Variants in ZNF790 observed in about 807,000 individuals in gnomAD.
ZNF790 encodes zinc finger protein 790.
In ZNF790, 8 loss-of-function variants were observed where a neutral mutation model predicts 12.1. That is an observed-to-expected ratio of 0.66 (90% CI 0.39 to 1.19). The LOEUF is 1.19. ZNF790 is among the 50% of genes most tolerant of loss of function. The pLI, the probability that ZNF790 is intolerant of heterozygous loss-of-function variation, is 0.01. For missense variants in ZNF790, 707 were observed against 752.2 expected (o/e 0.94, Z 0.70); for synonymous variants, 252 against 244.3 (o/e 1.03, Z -0.29).
At chr19:36,837,545 G>A (rs2072070858) in intron 1 of ZNF790, 1 of 152,066 alleles carries the variant, frequency 6.6e-6, no homozygotes, top group African/African-American at 2.4e-5. Flanking sequence ...CAAACACAGG[G>A]TATTTTCCCC....
chr19:36,819,205 T>G lies in ZNF790; in HGVS notation c.1139A>C (p.Asn380Thr), dbSNP rs750187163. 1 of 1,614,070 alleles carries G rather than the reference T, an allele frequency of 6.2e-7. No homozygotes were observed. The highest frequency in any genetic ancestry group is 8.5e-7 in the Non-Finnish European group (1 of 1,180,008). The change falls in exon 5 of 5, where the codon AAT (asparagine) becomes ACT (threonine). Residue 380 changes from asparagine (N) to threonine (T), a missense_variant. Coordinates refer to ENST00000356725, the MANE Select transcript of ZNF790 (RefSeq NM_206894.4). ...ATGAACATTCTGATGTTGAGCAAGA[T>G]TTGAACCACGAATAAAGGCTTTTCC... ...ECGKAFIRGS[N>T]LAQHQNVHVG...
At chr19:36,828,322 G>C (rs1476451469) in intron 1 of ZNF790, among the ~76,000 whole-genome samples, 1 of 152,094 alleles carries the variant, frequency 6.6e-6, no homozygotes, top group Non-Finnish European at 1.5e-5. Context: ...AATTAGCCGG[G>C]CATGGTGGCA....
chr19:36,823,282 C>G lies in ZNF790; in HGVS notation c.229+3G>C. The G allele has an allele frequency of 6.2e-7, 1 of 1,613,606 alleles. No homozygotes were observed. The highest frequency in any genetic ancestry group is 8.5e-7 in the Non-Finnish European group (1 of 1,179,624). On this transcript the variant is annotated splice_donor_region_variant and intron_variant, in intron 4 of 4. Coordinates refer to ENST00000356725, the MANE Select transcript of ZNF790 (RefSeq NM_206894.4). ...TCCTTGTGCGTGTTCAGCCCTCACT[C>G]ACCTGGGCAAGGTCCTCTTGTCTCA...
intron 2 of ZNF790, among the ~76,000 whole-genome samples, chr19:36,824,167 T>G (rs1045332093): frequency 6.7e-6 from 1 of 150,136 alleles, no homozygotes; most frequent in Non-Finnish European, 1.5e-5. Flanking sequence ...CGGCAAATTT[T>G]TTGTATTTTT....
At chr19:36,822,313 A>G (rs1202643602) in intron 4 of ZNF790, among the ~76,000 whole-genome samples, 1 of 152,168 alleles carries the variant, frequency 6.6e-6, no homozygotes, top group Non-Finnish European at 1.5e-5. Context: ...TTTTACGAAA[A>G]TTAAATTTTA....
chr19:36,824,148 T>C (rs984886803), intron 2 of ZNF790, among the ~76,000 whole-genome samples: 14 of 151,616 alleles, frequency 9.2e-5, no homozygotes, highest in East Asian at 3.9e-4. Flanking sequence ...AGGCGCCCGC[T>C]ACCACGCCCG....
chr19:36,831,372 G>C (rs1268781838), intron 1 of ZNF790, among the ~76,000 whole-genome samples: 1 of 152,184 alleles, frequency 6.6e-6, no homozygotes, highest in Non-Finnish European at 1.5e-5. Context: ...ATAGATGGGA[G>C]TTAGTGGAAT....
chr19:36,824,952 T>C (rs1393325716), intron 2 of ZNF790, among the ~76,000 whole-genome samples: 1 of 152,190 alleles, frequency 6.6e-6, no homozygotes, highest in Non-Finnish European at 1.5e-5. Context: ...GGAAAATGTG[T>C]AGAATCTCCA....
intron 1 of ZNF790, among the ~76,000 whole-genome samples, chr19:36,828,338 C>A (rs1055096324): frequency 6.6e-6 from 1 of 151,954 alleles, no homozygotes; most frequent in African/African-American, 2.4e-5. Flanking sequence ...TGGCACATGC[C>A]TGTAATCCCA....
Position 36,847,915 on chromosome 19 carries a change from C to A in ZNF790, c.-74+2087G>T, listed in dbSNP as rs370506560. 8.5e-5 allele frequency among the ~76,000 whole-genome samples: 13 copies of A among 152,292 alleles called. No homozygotes were observed. The East Asian group carries it at 1.5e-3, about 18-fold the overall frequency. ...CAGCATTCCTGCCCTGTGGAGGATG[C>A]AGCAGCAAGGTCCCATCTTGGAATC... On this transcript the variant is annotated intron_variant, in intron 1 of 4. Coordinates refer to the ZNF790 transcript ENST00000528994.
chr19:36,819,765 T>C lies in ZNF790; in HGVS notation c.579A>G (p.Thr193=). The C allele has an allele frequency of 6.2e-7, 1 of 1,613,188 alleles. No homozygotes were observed. The highest frequency in any genetic ancestry group is 8.5e-7 in the Non-Finnish European group (1 of 1,179,652). Residue 193 remains threonine (T), a synonymous_variant, in exon 5 of 5, where the codon ACA becomes ACG. Coordinates refer to ENST00000356725, the MANE Select transcript of ZNF790 (RefSeq NM_206894.4). ...CTTTATCTCCACAGAATTTCTCACT[T>C]GTGTGAATTAACTGATGTTGAGTAT... ...SDHTQHQLIH[T]SEKFCGDKEC...
chr19:36,818,407 C>A lies in ZNF790; in HGVS notation c.*26G>T. 1.3e-6 allele frequency: 2 copies of A among 1,492,550 alleles called. No individual in the cohort carries two copies. Among genetic ancestry groups the A allele is most frequent in the Non-Finnish European group, 8.9e-7 (1 of 1,118,664 alleles). 92.5% of individuals were successfully genotyped at this position (1,492,550 alleles called of 1,614,324 possible). On this transcript the variant is annotated 3_prime_UTR_variant, in exon 5 of 5. Transcript: ENST00000356725. ...ATCAATTAATGAGTCATGAATAAAG[C>A]CCTTCCTACACTTTTATATAATATT...
chr19:36,826,385 C>T (rs970324272), intron 1 of ZNF790, among the ~76,000 whole-genome samples: 49 of 151,952 alleles, frequency 3.2e-4, no homozygotes, highest in African/African-American at 1.2e-3. Flanking sequence ...GAGATGAAGA[C>T]CATCTTGGCC....
At chr19:36,820,208 T>C (rs2071638341) in intron 4 of ZNF790, 94 bp from the exon 5 acceptor site, 1 of 1,342,830 alleles carries the variant, frequency 7.4e-7, no homozygotes, top group African/African-American at 1.5e-5. Context: ...AAGTAAAGCA[T>C]ATGAGAAGTG....
rs190588853 is a variant in ZNF790 at position 36,819,866 on chromosome 19, G to A, written c.478C>T (p.His160Tyr). 45 of 1,614,192 alleles carry A rather than the reference G, an allele frequency of 2.8e-5. No homozygotes were observed. In the Admixed American group the frequency reaches 7.5e-4, roughly 27 times the overall value. ...TFNQHTVFNL[H>Y]QRLNTGDKLN... Reference sequence around the variant, plus strand: ...TTGTCTCCTGTATTAAGTCTCTGGTGTAGATTAAACACTGTATGCTGGTTA... The same window carrying A: ...TTGTCTCCTGTATTAAGTCTCTGGTATAGATTAAACACTGTATGCTGGTTA... The change falls in exon 5 of 5, where the codon CAC becomes TAC. Residue 160 changes from histidine to tyrosine, a missense_variant. Physicochemically the swap from His to Tyr is moderately conservative, Grantham distance 83. Transcript: ENST00000356725.
At position 36,838,129 on chromosome 19, in the gene ZNF790, T is replaced by C. The variant is rs1644632; in HGVS notation, c.-74+208A>G. On this transcript the variant is annotated intron_variant, in intron 1 of 4. Coordinates refer to ENST00000356725, the MANE Select transcript of ZNF790 (RefSeq NM_206894.4). This position sits in a 1 kb window ranked among gnomAD's most constrained non-coding sequence, Gnocchi z 4.4. ...GCGCACACACACACACACACACACA[T>C]ACACACACACACACACAAGCTCCCG... 0.062 allele frequency: 4,133 copies of C among 66,356 alleles called. 188 individuals carry two copies. The highest frequency in any genetic ancestry group is 0.23 in the African/African-American group (3,722 of 15,946). 4.1% of individuals were successfully genotyped at this position (66,356 alleles called of 1,614,324 possible). A position where few individuals can be genotyped will look rare whatever the true frequency, so the allele number is the denominator to read the frequency against.
At position 36,823,922 on chromosome 19, in the gene ZNF790, G is replaced by A. The variant is rs369079041; in HGVS notation, c.10-132C>T. 699 of 658,932 alleles carry A rather than the reference G, an allele frequency of 1.1e-3. 8 individuals carry two copies. The highest frequency in any genetic ancestry group is 3.6e-3 in the Middle Eastern group (8 of 2,238). 40.8% of individuals were successfully genotyped at this position (658,932 alleles called of 1,614,324 possible). Reference sequence around the variant, plus strand: ...GGCATATATTGGGCGAAAAACTGGAGTTGGCTGCCTGTGGTTTCAGGGGAA... The same window carrying A: ...GGCATATATTGGGCGAAAAACTGGAATTGGCTGCCTGTGGTTTCAGGGGAA... On this transcript the variant is annotated intron_variant, in intron 2 of 4. Transcript: ENST00000356725.
At chr19:36,829,252 T>C (rs897090294) in intron 1 of ZNF790, among the ~76,000 whole-genome samples, 3 of 152,134 alleles carry the variant, frequency 2.0e-5, no homozygotes, top group African/African-American at 7.2e-5. Context: ...GAAAAGAAAC[T>C]CTAACCCTTT....
Position 36,819,410 on chromosome 19 carries a change from A to T in ZNF790, c.934T>A (p.Cys312Ser), listed in dbSNP as rs772044322. The T allele has an allele frequency of 6.2e-7, 1 of 1,611,218 alleles. No individual in the cohort carries two copies. Among genetic ancestry groups the T allele is most frequent in the Non-Finnish European group, 8.5e-7 (1 of 1,178,204 alleles). The change falls in exon 5 of 5, where the codon TGT becomes AGT. Residue 312 changes from cysteine (C) to serine (S), a missense_variant. Coordinates refer to ENST00000356725, the MANE Select transcript of ZNF790 (RefSeq NM_206894.4). ...RIHTGEKPYE[C>S]NECRKAFSQR... ...CTAAAGGCCTTTCTACATTCATTAC[A>T]TTCATAGGGTTTTTCACCAGTATGA...
Sources: allele counts gnomAD v4.1 joint callset (sites outside exome capture counted in the v4.1 genomes callset), GRCh38; gene constraint gnomAD v4.1.1; non-coding constraint Gnocchi (gnomAD v3.1); transcripts MANE v1.5; gene names NCBI Gene and HGNC (gene_info 2026-07-23, HGNC 2026-07-21).